The following CSMD3 variants were observed in gnomAD, a reference collection of about 807,000 sequenced individuals.
The protein encoded by CSMD3 is CUB and Sushi multiple domains 3.
CSMD3 carries 177 observed loss-of-function variants against 435.2 expected under a neutral mutation model. The observed-to-expected ratio is 0.41, with a 90% CI of 0.36 to 0.46. CSMD3 has a LOEUF of 0.46. CSMD3 is among the 20% of genes least tolerant of loss of function. The probability of loss-of-function intolerance (pLI) is 0.34; values close to 1 mark genes in which losing one functional copy is unlikely to be tolerated. For missense variants in CSMD3, 4,265 were observed against 4,504.6 expected, an observed-to-expected ratio of 0.95 and a Z score of 1.52; for synonymous variants, 1,656 against 1,520.5, an observed-to-expected ratio of 1.09 and a Z score of -2.07.
At chr8:112,408,502 G>A (rs1440304274) in intron 33 of CSMD3, 89 bp from the exon 34 acceptor site, 2 of 862,198 alleles carry the variant, frequency 2.3e-6, no homozygotes. Context: ...ACTGTCATTT[G>A]AAAATGTCAA....
intron 1 of CSMD3, among the ~76,000 whole-genome samples, chr8:113,416,561 G>A (rs1031249807): frequency 6.6e-5 from 10 of 152,034 alleles, no homozygotes; most frequent in Admixed American, 4.6e-4. Context: ...CTCCATGCAG[G>A]TATTGAATAC....
chr8:112,962,341 A>C (rs1394808658), intron 7 of CSMD3, among the ~76,000 whole-genome samples: 1 of 151,854 alleles, frequency 6.6e-6, no homozygotes, highest in Non-Finnish European at 1.5e-5. Context: ...ATTACATTAA[A>C]TATTTGTTTC....
intron 66 of CSMD3, 46 bp from the exon 67 acceptor site, chr8:112,237,394 A>G (rs1278254507): frequency 7.4e-7 from 1 of 1,350,310 alleles, no homozygotes; most frequent in Admixed American, 1.7e-5. Flanking sequence ...ACAATGCCAT[A>G]TAAATATAAG....
chr8:112,324,795 C>A (rs1035749554), intron 45 of CSMD3, among the ~76,000 whole-genome samples: 3 of 152,050 alleles, frequency 2.0e-5, no homozygotes, highest in African/African-American at 7.2e-5. Context: ...TAAAAGATCA[C>A]TCTGGCTGTA....
intron 52 of CSMD3, 53 bp downstream of exon 52, chr8:112,304,668 A>G: frequency 7.3e-7 from 1 of 1,366,014 alleles, no homozygotes; most frequent in Non-Finnish European, 1.0e-6. Context: ...GATTCAAACA[A>G]TTCGATAACC....
intron 6 of CSMD3, among the ~76,000 whole-genome samples, chr8:112,996,535 T>C (rs1005629828): frequency 1.3e-5 from 2 of 151,596 alleles, no homozygotes; most frequent in African/African-American, 4.8e-5. Context: ...AACATATACA[T>C]GTAAAATTCC....
intron 6 of CSMD3, among the ~76,000 whole-genome samples, chr8:113,003,343 G>A (rs114863714): frequency 0.013 from 1,953 of 151,664 alleles, 46 homozygotes; most frequent in African/African-American, 0.045. Flanking sequence ...TTCAATTTTT[G>A]TTCTTCAAAA....
intron 22 of CSMD3, among the ~76,000 whole-genome samples, chr8:112,616,341 T>G (rs2131494287): frequency 6.6e-6 from 1 of 152,250 alleles, no homozygotes; most frequent in African/African-American, 2.4e-5. Flanking sequence ...ATTTTAAAGA[T>G]AAAGAAATAT....
At chr8:113,004,292 A>G (rs2085974417) in intron 6 of CSMD3, among the ~76,000 whole-genome samples, 1 of 152,082 alleles carries the variant, frequency 6.6e-6, no homozygotes, top group African/African-American at 2.4e-5. Flanking sequence ...TACACTATGC[A>G]GAGCTATTAA....
At chr8:112,271,576 G>T (rs1351378152) in intron 59 of CSMD3, among the ~76,000 whole-genome samples, 2 of 152,012 alleles carry the variant, frequency 1.3e-5, no homozygotes, top group Admixed American at 6.6e-5. Flanking sequence ...ATAGACTAGG[G>T]TTTAAATCTT....
At chr8:113,326,232 T>C (rs926555903) in intron 1 of CSMD3, among the ~76,000 whole-genome samples, 1 of 152,164 alleles carries the variant, frequency 6.6e-6, no homozygotes, top group African/African-American at 2.4e-5. Context: ...CCCTTGTTTC[T>C]GACAGTCTTT....
At chr8:113,219,766 C>T (rs2092945813) in intron 3 of CSMD3, among the ~76,000 whole-genome samples, 1 of 151,240 alleles carries the variant, frequency 6.6e-6, no homozygotes, top group African/African-American at 2.4e-5. Flanking sequence ...GCCTAAAAAT[C>T]CAGCTACAAT....
At chr8:112,387,872 T>C (rs1266030259) in intron 36 of CSMD3, among the ~76,000 whole-genome samples, 1 of 152,172 alleles carries the variant, frequency 6.6e-6, no homozygotes, top group Non-Finnish European at 1.5e-5. Context: ...TGATTCGTTC[T>C]AAAAATATTT....
chr8:112,582,905 A>G (rs1380462831), intron 23 of CSMD3, among the ~76,000 whole-genome samples: 2 of 152,062 alleles, frequency 1.3e-5, no homozygotes, highest in African/African-American at 2.4e-5. Flanking sequence ...GAAGGTGGCC[A>G]TCATCAGACA....
chr8:112,628,176 C>CT lies in CSMD3; in HGVS notation c.3715+8640dup, dbSNP rs1168862992. On this transcript the variant is annotated intron_variant, in intron 22 of 70. Coordinates refer to ENST00000297405, the MANE Select transcript of CSMD3 (RefSeq NM_198123.2). ...TCTATCACACACCTTTTTTACCTTA[C>CT]TTTTTTAACTCATTGAAAAAGTTTT... Among the ~76,000 whole-genome samples, 3 of 152,048 alleles carry CT rather than the reference C, an allele frequency of 2.0e-5. 1 individual carries two copies. Among genetic ancestry groups the CT allele is most frequent in the Admixed American group, 6.6e-5 (1 of 15,248 alleles).
intron 3 of CSMD3, among the ~76,000 whole-genome samples, chr8:113,222,251 A>T (rs915994057): frequency 4.0e-5 from 6 of 151,144 alleles, no homozygotes; most frequent in African/African-American, 1.5e-4. Flanking sequence ...TTTAACCAAA[A>T]ATTTTCATTG....
At chr8:112,729,719 C>T (rs888860467) in intron 13 of CSMD3, among the ~76,000 whole-genome samples, 1 of 151,978 alleles carries the variant, frequency 6.6e-6, no homozygotes, top group Non-Finnish European at 1.5e-5. Flanking sequence ...TTTCCTCTCT[C>T]TTATATGGAC....
chr8:112,494,550 T>TA (rs772951315), intron 30 of CSMD3, among the ~76,000 whole-genome samples: 2 of 146,214 alleles, frequency 1.4e-5, no homozygotes, highest in Non-Finnish European at 1.5e-5. Context: ...TTTCTTTCTT[T>TA]CTTTCTTTCT....
At chr8:112,356,612 A>T (rs766385341) in intron 38 of CSMD3, among the ~76,000 whole-genome samples, 24 of 150,432 alleles carry the variant, frequency 1.6e-4, no homozygotes, top group Admixed American at 4.0e-4. Context: ...CTCCCACAAC[A>T]CGTGGGAATT....
Sources: allele counts gnomAD v4.1 joint callset (sites outside exome capture counted in the v4.1 genomes callset), GRCh38; gene constraint gnomAD v4.1.1; transcripts MANE v1.5; gene names NCBI Gene and HGNC (gene_info 2026-07-23, HGNC 2026-07-21).